The following L1CAM variants were observed in gnomAD, a reference collection of about 807,000 sequenced individuals.
L1CAM encodes neural cell adhesion molecule L1.
Under a neutral mutation model 93.0 loss-of-function variants are expected in L1CAM, and 8 were observed. The observed-to-expected ratio is 0.09, with a 90% confidence interval of 0.05 to 0.16. L1CAM has a LOEUF of 0.16. Among genes scored for constraint, L1CAM ranks in the 10% least tolerant of loss-of-function variants. The pLI is 1.00. For synonymous variants in L1CAM, 453 were observed against 453.0 expected (o/e 1.00, Z 0.00); for missense variants, 777 against 1,073.4 (o/e 0.72, Z 3.86).
chrX:153,874,033 G>A, intron 2 of L1CAM, among the ~76,000 whole-genome samples: 1 of 112,747 alleles, frequency 8.9e-6, no homozygotes, highest in African/African-American at 3.2e-5. Context: ...GGGCTCCCTG[G>A]GGACACTGCA....
Position 153,861,720 on chromosome X carries a change from A to C in L1CAM, c.*943T>G, listed in dbSNP as rs2064662371. ...TCCTGGGATGGGTTCATCAAAGCTA[A>C]TTGCTATCAATCCTAGAAACCACCT... On this transcript the variant is annotated 3_prime_UTR_variant, in exon 29 of 29. Coordinates refer to ENST00000370060, the MANE Select transcript of L1CAM (RefSeq NM_001278116.2). 9.1e-6 allele frequency: 1 copy of C among 109,890 alleles called. No individual in the cohort carries two copies. The highest frequency in any genetic ancestry group is 1.9e-5 in the Non-Finnish European group (1 of 52,666). 9.1% of individuals were successfully genotyped at this position (109,890 alleles called of 1,213,427 possible). A position where few individuals can be genotyped will look rare whatever the true frequency, so the allele number is the denominator to read the frequency against.
intron 1 of L1CAM, chrX:153,880,650 G>A (rs947865347): frequency 2.9e-6 from 1 of 341,436 alleles, no homozygotes; most frequent in Admixed American, 3.1e-5. Context: ...GCTCCCGCTG[G>A]CCCTCCCCGC....
At chrX:153,863,630 C>T in intron 26 of L1CAM, 81 bp from the exon 27 acceptor site, 1 of 965,693 alleles carries the variant, frequency 1.0e-6, no homozygotes, top group Non-Finnish European at 1.5e-6. Flanking sequence ...CCCGCACCCC[C>T]AGCACTCTGT....
intron 1 of L1CAM, among the ~76,000 whole-genome samples, chrX:153,879,739 C>T (rs1453673858): frequency 9.2e-6 from 1 of 108,273 alleles, no homozygotes; most frequent in Non-Finnish European, 1.9e-5. Flanking sequence ...CCATGCCATG[C>T]CAGGGAACAG....
Position 153,869,767 on chromosome X carries a change from G to A in L1CAM, c.1123+36C>T, listed in dbSNP as rs782788556. On this transcript the variant is annotated intron_variant, in intron 10 of 28. Coordinates refer to ENST00000370060, the MANE Select transcript of L1CAM (RefSeq NM_001278116.2). ...CTCTCCCCCACAGCCCCCAGGGCTCGCCACACTCCCCACTCCTGCCTGAGG... is the reference window on the plus strand; with the variant it reads ...CTCTCCCCCACAGCCCCCAGGGCTCACCACACTCCCCACTCCTGCCTGAGG... The A allele has an allele frequency of 1.2e-5, 14 of 1,208,315 alleles. No individual in the cohort carries two copies. The Middle Eastern group carries it at 6.9e-4, about 60-fold the overall frequency.
At chrX:153,864,795 G>A (rs1281668949) in intron 23 of L1CAM, 26 bp downstream of exon 23, 1 of 1,210,674 alleles carries the variant, frequency 8.3e-7, no homozygotes, top group African/African-American at 1.7e-5. Flanking sequence ...GGGCCTCCCT[G>A]TTGGCAGGTC....
Position 153,875,935 on chromosome X carries a change from A to G in L1CAM, c.-99T>C, listed in dbSNP as rs1603277479. 2 of 367,192 alleles carry G rather than the reference A, an allele frequency of 5.4e-6. No homozygotes were observed. Among genetic ancestry groups the G allele is most frequent in the Non-Finnish European group, 9.1e-6 (2 of 220,615 alleles). 30.3% of individuals were successfully genotyped at this position (367,192 alleles called of 1,213,427 possible). On this transcript the variant is annotated 5_prime_UTR_variant, in exon 2 of 29. Coordinates refer to ENST00000370060, the MANE Select transcript of L1CAM (RefSeq NM_001278116.2). ...TGGGCGGCTTGGGGCGGGAGTTGGG[A>G]GTGGGGGCACTGGGAGAGGGGAGAA...
Position 153,862,888 on chromosome X carries a change from G to A in L1CAM, c.3549C>T (p.Asn1183=), listed in dbSNP as rs200916591. ...FGEYRSLESD[N]EEKAFGSSQP... ...GGCTGCTGCCAAAGGCCTTCTCCTC[G>A]TTGTCACTGCAGAGGCACAGGGCAG... Residue 1183 remains asparagine (N), a synonymous_variant, in exon 29 of 29, where the codon AAC becomes AAT. Coordinates refer to ENST00000370060, the MANE Select transcript of L1CAM (RefSeq NM_001278116.2). The A allele has an allele frequency of 4.2e-4, 509 of 1,204,134 alleles. 2 individuals carry two copies. The South Asian group carries it at 7.9e-3, about 19-fold the overall frequency.
At position 153,870,062 on chromosome X, in the gene L1CAM, C is replaced by A; in HGVS notation, c.985G>T (p.Val329Leu). 1.7e-6 allele frequency: 2 copies of A among 1,211,679 alleles called. No homozygotes were observed. The highest frequency in any genetic ancestry group is 2.2e-6 in the Non-Finnish European group (2 of 895,325). Residue 329 changes from valine (V) to leucine (L), a missense_variant, in exon 9 of 29, where the codon GTG (valine) becomes TTG (leucine). Physicochemically the swap from Val to Leu is conservative, Grantham distance 32 (BLOSUM62 1). Transcript: ENST00000370060. ...TGTCCCAGGAGGTCCATACCCTCCA[C>A]GGTGACATAGTACGCATGCCGGGCA... ...GSARHAYYVT[V>L]EAAPYWLHKP...
At position 153,870,230 on chromosome X, in the gene L1CAM, T is replaced by C; in HGVS notation, c.817A>G (p.Thr273Ala). 1 of 1,210,889 alleles carries C rather than the reference T, an allele frequency of 8.3e-7. No individual in the cohort carries two copies. The highest frequency in any genetic ancestry group is 1.7e-5 in the African/African-American group (1 of 57,831). ...CCACTGGGGCGCAGCCATTTGATGG[T>C]GGGCGTGGGACTGCCCGGGAGGCAA... ...ECIAEGFPTPTIKWLRPSGPM... is the reference protein window; with the variant it reads ...ECIAEGFPTPAIKWLRPSGPM... Residue 273 changes from threonine to alanine, a missense_variant, in exon 9 of 29, where the codon ACC (threonine) becomes GCC (alanine). By Grantham distance (58) the Thr-to-Ala change is moderately conservative. Around this residue, in one of 5 missense-constraint regions of L1CAM, gnomAD observed 574 missense variants for 781.0 expected, o/e 0.73. Transcript: ENST00000370060.
intron 1 of L1CAM, 116 bp downstream of exon 1, chrX:153,885,949 C>G: frequency 1.4e-6 from 1 of 721,637 alleles, no homozygotes; most frequent in Non-Finnish European, 1.6e-6. Context: ...CGCCGGTTAC[C>G]GCGGGCCGGA....
At chrX:153,876,160 G>T (rs782144863) in intron 1 of L1CAM, 47 of 434,980 alleles carry the variant, frequency 1.1e-4, no homozygotes, top group African/African-American at 7.5e-4. Flanking sequence ...GGGCCTCTAG[G>T]TTGCCTTTTA....
intron 1 of L1CAM, chrX:153,885,248 C>T: frequency 2.6e-6 from 1 of 386,411 alleles, no homozygotes; most frequent in South Asian, 2.8e-5. Context: ...GCCAGTGAGG[C>T]CCACCTTCCC....
At position 153,868,638 on chromosome X, in the gene L1CAM, T is replaced by C. The variant is rs1557091928; in HGVS notation, c.1469A>G (p.Asn490Ser). 2.5e-6 allele frequency: 3 copies of C among 1,211,388 alleles called. No individual in the cohort carries two copies. The highest frequency in any genetic ancestry group is 2.3e-4 in the Middle Eastern group (1 of 4,352). Reference sequence around the variant, plus strand: ...CAGGCAGAAGTAGCGTCCGGTGTCATTGGCCTGGAGGTCTCGAATGCCCAG... The same window carrying C: ...CAGGCAGAAGTAGCGTCCGGTGTCACTGGCCTGGAGGTCTCGAATGCCCAG... ...GTLGIRDLQANDTGRYFCLAA... is the reference protein window; with the variant it reads ...GTLGIRDLQASDTGRYFCLAA... The change falls in exon 13 of 29, where the codon AAT becomes AGT. Residue 490 changes from asparagine to serine, a missense_variant. Transcript: ENST00000370060.
chrX:153,883,411 G>C (rs960222202), intron 1 of L1CAM, among the ~76,000 whole-genome samples: 1 of 107,442 alleles, frequency 9.3e-6, no homozygotes, highest in Non-Finnish European at 1.9e-5. Flanking sequence ...GGCACAGGGA[G>C]ACGTGGGAGG....
In L1CAM at chrX:153,864,363, C is replaced by G. The variant is rs1194343081; in HGVS notation, c.3281G>C (p.Arg1094Thr). ...TDYEIHLFKERMFRHQMAVKT... is the reference protein window; with the variant it reads ...TDYEIHLFKETMFRHQMAVKT... ...CACAGCCATTTGGTGCCGGAACATC[C>G]TCTCCTTAAACAAGTGGATCTCGTA... is the stretch of plus-strand genomic sequence containing the variant. The change falls in exon 25 of 29, where the codon AGG becomes ACG. Residue 1094 changes from arginine to threonine, a missense_variant. Coordinates refer to ENST00000370060, the MANE Select transcript of L1CAM (RefSeq NM_001278116.2). 7 of 1,210,502 alleles carry G rather than the reference C, an allele frequency of 5.8e-6. No individual in the cohort carries two copies. The highest frequency in any genetic ancestry group is 6.7e-6 in the Non-Finnish European group (6 of 895,180).
intron 1 of L1CAM, among the ~76,000 whole-genome samples, chrX:153,879,380 G>A (rs1349957166): frequency 9.5e-6 from 1 of 104,973 alleles, no homozygotes; most frequent in Non-Finnish European, 2.0e-5. Flanking sequence ...TGCAGAGTGC[G>A]CCGCTGAGAA....
intron 19 of L1CAM, 109 bp from the exon 20 acceptor site, chrX:153,865,928 A>G (rs1393582102): frequency 7.2e-6 from 4 of 554,845 alleles, no homozygotes; most frequent in Non-Finnish European, 1.3e-5. Context: ...TTTATGAGGT[A>G]CAGTTTGAGG....
intron 10 of L1CAM, 67 bp downstream of exon 10, chrX:153,869,736 C>T: frequency 8.3e-7 from 1 of 1,203,858 alleles, no homozygotes; most frequent in Non-Finnish European, 1.1e-6. Context: ...CCTCACCCTC[C>T]TCTTCCTCTC....
Sources: gnomAD v4.1 joint callset for allele counts (sites outside exome capture counted in the v4.1 genomes callset) on GRCh38, gnomAD v4.1.1 for gene constraint, gnomAD v4.1.1 regional missense constraint, MANE v1.5 for transcripts, NCBI Gene and HGNC (gene_info 2026-07-23, HGNC 2026-07-21) for gene names.